ANXA4: variants seen among roughly 807,000 people sequenced by gnomAD.
ANXA4 encodes annexin A4.
In ANXA4, 39 loss-of-function variants were observed where a neutral mutation model predicts 49.8. The ratio of observed to expected loss-of-function variants is 0.78; its 90% CI spans 0.61 to 1.02. The LOEUF (loss-of-function observed/expected upper bound fraction) is 1.02, where lower values mean the gene tolerates loss of function less well. ANXA4 is among the 50% of genes least tolerant of loss of function. ANXA4 has a pLI of 0.00. For synonymous variants in ANXA4, 134 were observed against 152.5 expected (o/e 0.88, Z 0.89); for missense variants, 360 against 410.1 (o/e 0.88, Z 1.05).
At chr2:69,672,423 G>A (rs1339429508) in intron 2 of ANXA4, among the ~76,000 whole-genome samples, 3 of 151,942 alleles carry the variant, frequency 2.0e-5, no homozygotes, top group Non-Finnish European at 2.9e-5. Flanking sequence ...GTAGAGATGG[G>A]GTTTTGCCAT....
intron 2 of ANXA4, among the ~76,000 whole-genome samples, chr2:69,677,131 G>A (rs962748603): frequency 9.3e-5 from 14 of 150,986 alleles, no homozygotes; most frequent in Non-Finnish European, 1.3e-4. Flanking sequence ...TATTTCTTAT[G>A]CATATAATTA....
At chr2:69,657,038 A>C (rs1488421671) in intron 2 of ANXA4, among the ~76,000 whole-genome samples, 6 of 150,916 alleles carry the variant, frequency 4.0e-5, no homozygotes, top group Non-Finnish European at 1.5e-5. Flanking sequence ...TCTGTCACCA[A>C]GGCTGGAGTA....
intron 2 of ANXA4, among the ~76,000 whole-genome samples, chr2:69,661,772 C>A (rs772005615): frequency 6.6e-6 from 1 of 151,794 alleles, no homozygotes; most frequent in African/African-American, 2.4e-5. Flanking sequence ...GCACTGGATA[C>A]GTCTGAAAGT....
intron 1 of ANXA4, among the ~76,000 whole-genome samples, chr2:69,652,783 C>T (rs1418255366): frequency 6.6e-6 from 1 of 152,134 alleles, no homozygotes; most frequent in Non-Finnish European, 1.5e-5. Flanking sequence ...CAGTTGAACC[C>T]AGGATGCGGA....
chr2:69,776,573 A>G (rs983296722), intron 1 of ANXA4, among the ~76,000 whole-genome samples: 2 of 152,182 alleles, frequency 1.3e-5, no homozygotes, highest in Admixed American at 1.3e-4. Context: ...CTCTTTGGAC[A>G]CCAACTGGGT....
At position 69,806,385 on chromosome 2, in the gene ANXA4, G is replaced by A; in HGVS notation, c.193G>A (p.Asp65Asn). 1 of 1,612,620 alleles carries A rather than the reference G, an allele frequency of 6.2e-7. No homozygotes were observed. The highest frequency in any genetic ancestry group is 8.5e-7 in the Non-Finnish European group (1 of 1,178,644). The change falls in exon 5 of 13, where the codon GAC becomes AAC. Residue 65 changes from aspartate to asparagine, a missense_variant and splice_region_variant. Physicochemically the swap from Asp to Asn is conservative, Grantham distance 23. Coordinates refer to ENST00000394295, the MANE Select transcript of ANXA4 (RefSeq NM_001153.5). ...GCGGAGCTACTTTCTTGCATTGCAG[G>A]ACTTGATAGACGACCTGAAGTCAGA... ...RTAYKSTIGRDLIDDLKSELS... is the reference protein window; with the variant it reads ...RTAYKSTIGRNLIDDLKSELS...
chr2:69,723,591 T>A (rs1669878018), intron 3 of ANXA4, among the ~76,000 whole-genome samples: 1 of 152,252 alleles, frequency 6.6e-6, no homozygotes. Flanking sequence ...AGTTCTGCAG[T>A]GTGTCTTTTG....
At chr2:69,740,718 T>C (rs1462849446), upstream of ANXA4, among the ~76,000 whole-genome samples, 1 of 138,202 alleles carries the variant, frequency 7.2e-6, no homozygotes, top group Non-Finnish European at 1.5e-5. Context: ...TGTCTCACTC[T>C]GTCGCCCAGG....
intron 1 of ANXA4, among the ~76,000 whole-genome samples, chr2:69,773,919 C>T (rs1272105999): frequency 6.6e-6 from 1 of 151,666 alleles, no homozygotes; most frequent in Non-Finnish European, 1.5e-5. Context: ...CATGAGTCAC[C>T]GCGCCCGTCC....
At position 69,810,671 on chromosome 2, in the gene ANXA4, G is replaced by A; in HGVS notation, c.475G>A (p.Ala159Thr). 2 of 1,613,524 alleles carry A rather than the reference G, an allele frequency of 1.2e-6. No homozygotes were observed. The highest frequency in any genetic ancestry group is 1.7e-6 in the Non-Finnish European group (2 of 1,179,530). Residue 159 changes from alanine to threonine, a missense_variant and splice_region_variant, in exon 7 of 13, where the codon GCT (alanine) becomes ACT (threonine). By Grantham distance (58) the Ala-to-Thr change is moderately conservative. Coordinates refer to ENST00000394295, the MANE Select transcript of ANXA4 (RefSeq NM_001153.5). ...CCAGCGAGTGCTGGTGTCTCTGTCA[G>A]CTGTGAGTGACTGCTTCTGATGGGG... ...MFQRVLVSLS[A>T]GGRDEGNYLD... is the part of the protein sequence containing the mutation.
chr2:69,789,872 T>C (rs955075801), intron 3 of ANXA4, among the ~76,000 whole-genome samples: 2 of 152,168 alleles, frequency 1.3e-5, no homozygotes, highest in African/African-American at 2.4e-5. Flanking sequence ...ACACATCTTC[T>C]TGCAGCTGCA....
chr2:69,746,208 C>T (rs1670606206), intron 1 of ANXA4, among the ~76,000 whole-genome samples: 1 of 152,062 alleles, frequency 6.6e-6, no homozygotes, highest in Non-Finnish European at 1.5e-5. Context: ...GACGGGGTTT[C>T]ACCATGTTTG....
chr2:69,658,531 ACTG>A (rs954045117), intron 2 of ANXA4, among the ~76,000 whole-genome samples: 22 of 152,272 alleles, frequency 1.4e-4, no homozygotes, highest in African/African-American at 4.8e-4. Flanking sequence ...TTAACAAATG[ACTG>A]CTATTATTTC....
At chr2:69,780,264 G>A (rs1378407661) in intron 1 of ANXA4, among the ~76,000 whole-genome samples, 1 of 152,062 alleles carries the variant, frequency 6.6e-6, no homozygotes, top group Admixed American at 6.5e-5. Flanking sequence ...GCATGATCTT[G>A]GCTCGCTGCA....
chr2:69,726,028 C>T (rs1410021480), intron 3 of ANXA4, among the ~76,000 whole-genome samples: 1 of 152,050 alleles, frequency 6.6e-6, no homozygotes, highest in Admixed American at 6.5e-5. Context: ...AATAATTTTT[C>T]CTGAAGAGCC....
intron 2 of ANXA4, among the ~76,000 whole-genome samples, chr2:69,702,717 T>G (rs1678370747): frequency 6.6e-6 from 1 of 152,118 alleles, no homozygotes; most frequent in Admixed American, 6.6e-5. Flanking sequence ...TGTCTCTTAA[T>G]AAAAAATTAT....
At chr2:69,680,165 T>A (rs1345019065) in intron 2 of ANXA4, among the ~76,000 whole-genome samples, 1 of 152,220 alleles carries the variant, frequency 6.6e-6, no homozygotes, top group Non-Finnish European at 1.5e-5. Context: ...TTTGTTTGTG[T>A]CCTCTTCAAT....
At chr2:69,672,787 GT>G (rs1035016258) in intron 2 of ANXA4, among the ~76,000 whole-genome samples, 4 of 151,920 alleles carry the variant, frequency 2.6e-5, no homozygotes, top group African/African-American at 9.7e-5. Flanking sequence ...TAATCACTTT[GT>G]TTTTTTAAAG....
chr2:69,743,545 G>A (rs1197227916), intron 1 of ANXA4, among the ~76,000 whole-genome samples: 1 of 152,142 alleles, frequency 6.6e-6, no homozygotes. Context: ...TAGTTGCCAG[G>A]GAATTCTCAG....
Sources: gnomAD v4.1 joint callset for allele counts (sites outside exome capture counted in the v4.1 genomes callset) on GRCh38, gnomAD v4.1.1 for gene constraint, MANE v1.5 for transcripts, NCBI Gene and HGNC (gene_info 2026-07-23, HGNC 2026-07-21) for gene names.